HPCAL1: variants seen among roughly 807,000 people sequenced by gnomAD.
The protein encoded by HPCAL1 is hippocalcin-like protein 1.
HPCAL1 carries 8 observed loss-of-function variants against 17.1 expected under a neutral mutation model. The observed-to-expected ratio is 0.47, with a 90% CI of 0.27 to 0.84. HPCAL1 has a LOEUF of 0.84. Among genes scored for constraint, HPCAL1 ranks in the 40% least tolerant of loss-of-function variants. The pLI is 0.13. For missense variants in HPCAL1, 165 were observed against 271.1 expected (o/e 0.61, Z 2.75); for synonymous variants, 112 against 111.4 (o/e 1.01, Z -0.03).
chr2:10,321,886 C>G (rs1232846259), intron 1 of HPCAL1, among the ~76,000 whole-genome samples: 2 of 152,200 alleles, frequency 1.3e-5, no homozygotes, highest in Non-Finnish European at 2.9e-5. Context: ...AACATTTGGG[C>G]TGTTTTCACT....
intron 1 of HPCAL1, among the ~76,000 whole-genome samples, chr2:10,353,072 G>A (rs1170284866): frequency 6.6e-6 from 1 of 152,200 alleles, no homozygotes; most frequent in East Asian, 1.9e-4. Context: ...AATCCCCAGT[G>A]TCCTAAGCTG....
In HPCAL1 at chr2:10,427,258, G is replaced by GC. The variant is rs767353909; in HGVS notation, c.*444dup. 124 of 174,968 alleles carry GC rather than the reference G, an allele frequency of 7.1e-4. No individual in the cohort carries two copies. Among genetic ancestry groups the GC allele is most frequent in the African/African-American group, 2.3e-3 (95 of 42,176 alleles). The allele number at this position is 174,968 out of a possible 1,614,324, so 10.8% of individuals were successfully genotyped here. A position where few individuals can be genotyped will look rare whatever the true frequency, so the allele number is the denominator to read the frequency against. ...CAGGGAGCCCCTCCCGTGCATGGCT[G>GC]CCCCCCCGTTCATTTTCTCCACCAC... On this transcript the variant is annotated 3_prime_UTR_variant, in exon 5 of 5. Transcript: ENST00000307845.
rs1666414150 is a variant in HPCAL1, at chr2:10,359,888, T to TTCCACAGTGCCCGCCAGG, written c.-110-36932_-110-36931insAGGTCCACAGTGCCCGCC. On this transcript the variant is annotated intron_variant, in intron 1 of 4. Coordinates refer to ENST00000307845, the MANE Select transcript of HPCAL1 (RefSeq NM_002149.4). The surrounding 1 kb of genome is among the most constrained non-coding windows in gnomAD (Gnocchi z 4.1). The stretch of plus-strand genomic sequence containing the variant: ...CACTCTGAACCTGCCTCCTGCCTCC[T>TTCCACAGTGCCCGCCAGG]TCCACAGTGCCCGCCGGGTCCACAG... 6.6e-6 allele frequency among the ~76,000 whole-genome samples: 1 copy of TTCCACAGTGCCCGCCAGG among 151,368 alleles called. No homozygotes were observed. The highest frequency in any genetic ancestry group is 1.5e-5 in the Non-Finnish European group (1 of 67,970).
intron 2 of HPCAL1, among the ~76,000 whole-genome samples, chr2:10,397,804 C>A (rs1488287321): frequency 6.6e-6 from 1 of 152,238 alleles, no homozygotes; most frequent in Non-Finnish European, 1.5e-5. Flanking sequence ...TGCTGTGGGG[C>A]TGCCCTTCCA....
intron 1 of HPCAL1, chr2:10,368,861 G>A (rs1667031221): frequency 6.6e-6 from 1 of 152,240 alleles, no homozygotes; most frequent in African/African-American, 2.4e-5. Flanking sequence ...AGTACTTGCG[G>A]AATCCAGGAA....
chr2:10,394,522 G>A lies in HPCAL1; in HGVS notation c.-110-2313G>A, dbSNP rs1475988294. Among the ~76,000 whole-genome samples, 1 of 152,224 alleles carries A rather than the reference G, an allele frequency of 6.6e-6. No homozygotes were observed. Among genetic ancestry groups the A allele is most frequent in the Non-Finnish European group, 1.5e-5 (1 of 68,052 alleles). On this transcript the variant is annotated intron_variant, in intron 1 of 4. Transcript: ENST00000307845. The surrounding 1 kb of genome is among the most constrained non-coding windows in gnomAD (Gnocchi z 5.0). ...GCAGAGAGCACAGAGGGGCTTTAGG[G>A]CAGCGAGCCCGCGCTATGTGATGCT...
chr2:10,388,273 T>G (rs1668455717), intron 1 of HPCAL1, among the ~76,000 whole-genome samples: 2 of 152,156 alleles, frequency 1.3e-5, no homozygotes, highest in Admixed American at 6.5e-5. Flanking sequence ...TGGCAAAGGT[T>G]TGTTTTATCT....
intron 1 of HPCAL1, among the ~76,000 whole-genome samples, chr2:10,334,709 A>G (rs542423622): frequency 0.17 from 24,472 of 142,210 alleles, 2,969 homozygotes; most frequent in African/African-American, 0.3. Context: ...TTTTTGAGGC[A>G]GGGTCTCGCT....
At chr2:10,358,169 T>G (rs1355975540) in intron 1 of HPCAL1, among the ~76,000 whole-genome samples, 4 of 152,232 alleles carry the variant, frequency 2.6e-5, no homozygotes, top group Non-Finnish European at 5.9e-5. Flanking sequence ...CGGCCCCACT[T>G]TAATAAACAG....
rs1451466782 is a variant in HPCAL1, at chr2:10,363,621, T to C, written c.-110-33214T>C. Among the ~76,000 whole-genome samples, 1 of 152,164 alleles carries C rather than the reference T, an allele frequency of 6.6e-6. No homozygotes were observed. Among genetic ancestry groups the C allele is most frequent in the African/African-American group, 2.4e-5 (1 of 41,424 alleles). On this transcript the variant is annotated intron_variant, in intron 1 of 4. Transcript: ENST00000307845. The surrounding 1 kb of genome is among the most constrained non-coding windows in gnomAD (Gnocchi z 4.7). ...CCACCGGGGAGCTCACAAGCTAAAGTGCAGATTCCTGGGTCATCCCAGACC... is the reference window on the plus strand; with the variant it reads ...CCACCGGGGAGCTCACAAGCTAAAGCGCAGATTCCTGGGTCATCCCAGACC...
At chr2:10,364,452 G>A (rs4669579) in intron 1 of HPCAL1, among the ~76,000 whole-genome samples, 15,097 of 152,304 alleles carry the variant, frequency 0.099, 1,680 homozygotes, top group East Asian at 0.47. Context: ...AGGGAGGCAG[G>A]AGCTGGAGGC....
chr2:10,394,831 T>C lies in HPCAL1; in HGVS notation c.-110-2004T>C, dbSNP rs1416847945. Among the ~76,000 whole-genome samples the C allele has an allele frequency of 1.3e-5, 2 of 152,148 alleles. No individual in the cohort carries two copies. The highest frequency in any genetic ancestry group is 2.9e-5 in the Non-Finnish European group (2 of 68,016). On this transcript the variant is annotated intron_variant, in intron 1 of 4. Transcript: ENST00000307845. The surrounding 1 kb of genome is among the most constrained non-coding windows in gnomAD (Gnocchi z 5.0). ...TTATTTTTTTGAGACAACATTTCAC[T>C]GTCACCCAGGCTGGAGTGCAGTGGT...
At chr2:10,398,123 C>T (rs967438735) in intron 2 of HPCAL1, among the ~76,000 whole-genome samples, 3 of 152,156 alleles carry the variant, frequency 2.0e-5, no homozygotes, top group African/African-American at 7.2e-5. Context: ...ATACTGTGAG[C>T]ATCAGTTGGG....
chr2:10,420,163 A>T (rs1468267303), intron 3 of HPCAL1, 28 bp downstream of exon 3: 9 of 1,546,684 alleles, frequency 5.8e-6, no homozygotes, highest in Non-Finnish European at 7.9e-6. Flanking sequence ...CCCGGGTCTC[A>T]CCGCGGGCCC....
intron 1 of HPCAL1, among the ~76,000 whole-genome samples, chr2:10,319,478 A>G (rs1663531687): frequency 6.6e-6 from 1 of 151,708 alleles, no homozygotes; most frequent in South Asian, 2.1e-4. Context: ...ACAGCCAGGC[A>G]TGGCTCAAAT....
At chr2:10,409,362 G>C (rs1012042189) in intron 2 of HPCAL1, among the ~76,000 whole-genome samples, 1 of 152,208 alleles carries the variant, frequency 6.6e-6, no homozygotes, top group Admixed American at 6.5e-5. Flanking sequence ...GCTCCTCCCT[G>C]CACCTGGGTC....
chr2:10,378,814 C>G (rs139006909), intron 1 of HPCAL1, among the ~76,000 whole-genome samples: 1 of 152,252 alleles, frequency 6.6e-6, no homozygotes, highest in East Asian at 1.9e-4. Flanking sequence ...GATGTTAAAT[C>G]CTCACGGTAG....
intron 1 of HPCAL1, among the ~76,000 whole-genome samples, chr2:10,379,046 G>A (rs13019634): frequency 0.29 from 44,535 of 151,784 alleles, 7,392 homozygotes; most frequent in Non-Finnish European, 0.37. Context: ...AAATATTTGC[G>A]GTCGGGTGCG....
chr2:10,415,188 C>T (rs1572855598), intron 2 of HPCAL1, among the ~76,000 whole-genome samples: 1 of 152,208 alleles, frequency 6.6e-6, no homozygotes, highest in East Asian at 1.9e-4. Context: ...AGAGGTGGGA[C>T]TTCTGCCCCA....
Sources: allele counts gnomAD v4.1 joint callset (sites outside exome capture counted in the v4.1 genomes callset), GRCh38; gene constraint gnomAD v4.1.1; non-coding constraint Gnocchi (gnomAD v3.1); transcripts MANE v1.5; gene names NCBI Gene and HGNC (gene_info 2026-07-23, HGNC 2026-07-21).